RGS7: variants seen among roughly 807,000 people sequenced by gnomAD.
The protein encoded by RGS7 is regulator of G-protein signaling 7.
A neutral mutation model predicts 81.1 loss-of-function variants in RGS7; 27 were observed. That is an observed-to-expected ratio of 0.33 (90% CI 0.25 to 0.46). RGS7 has a LOEUF of 0.46. Ranked by LOEUF, RGS7 falls within the 20% of genes least tolerant of loss-of-function variation. The pLI, the probability that RGS7 is intolerant of heterozygous loss-of-function variation, is 1.00. For synonymous variants in RGS7, 208 were observed against 207.7 expected (o/e 1.00, Z -0.01); for missense variants, 396 against 607.4 (o/e 0.65, Z 3.66).
At chr1:241,029,142 C>G (rs1482757756) in intron 3 of RGS7, among the ~76,000 whole-genome samples, 1 of 149,224 alleles carries the variant, frequency 6.7e-6, no homozygotes, top group Non-Finnish European at 1.5e-5. Flanking sequence ...AAAAACAAAA[C>G]AAAAACAGAA....
At chr1:241,090,124 ATAG>A (rs1489092580) in intron 3 of RGS7, among the ~76,000 whole-genome samples, 1 of 152,110 alleles carries the variant, frequency 6.6e-6, no homozygotes, top group African/African-American at 2.4e-5. Flanking sequence ...CAATTTGAAA[ATAG>A]TAGTGTGGCT....
Position 241,271,697 on chromosome 1 carries a change from A to T in RGS7, c.78+84002T>A, listed in dbSNP as rs1202693639. Among the ~76,000 whole-genome samples the T allele has an allele frequency of 6.6e-6, 1 of 152,152 alleles. No homozygotes were observed. The highest frequency in any genetic ancestry group is 1.5e-5 in the Non-Finnish European group (1 of 68,024). On this transcript the variant is annotated intron_variant, in intron 2 of 18. Transcript: ENST00000440928. The surrounding 1 kb of genome is among the most constrained non-coding windows in gnomAD (Gnocchi z 4.6). Reference sequence around the variant, plus strand: ...GAACAGAAAGGTGGAAGAAGTAAGGATTCTCTCTCTGCTGGAGTGCTTGAG... The same window carrying T: ...GAACAGAAAGGTGGAAGAAGTAAGGTTTCTCTCTCTGCTGGAGTGCTTGAG...
chr1:241,162,504 G>A (rs2069808084), intron 2 of RGS7, among the ~76,000 whole-genome samples: 1 of 152,194 alleles, frequency 6.6e-6, no homozygotes, highest in African/African-American at 2.4e-5. Flanking sequence ...TAAAACCCCA[G>A]TCAAGGACCG....
chr1:241,201,457 G>A (rs756842508), intron 2 of RGS7, among the ~76,000 whole-genome samples: 4 of 151,938 alleles, frequency 2.6e-5, no homozygotes, highest in Non-Finnish European at 4.4e-5. Flanking sequence ...AATTACACTG[G>A]AGCCTCACCA....
chr1:241,275,858 C>T (rs2078166676), intron 2 of RGS7, among the ~76,000 whole-genome samples: 1 of 152,130 alleles, frequency 6.6e-6, no homozygotes. Context: ...GAAATCAAAC[C>T]AGTAAAAGAA....
chr1:241,097,485 T>C (rs936230534), intron 3 of RGS7, among the ~76,000 whole-genome samples: 9 of 152,126 alleles, frequency 5.9e-5, no homozygotes, highest in African/African-American at 2.2e-4. Context: ...TCCTGATCTC[T>C]ACCCTCTTCC....
intron 2 of RGS7, among the ~76,000 whole-genome samples, chr1:241,317,361 C>T (rs879357866): frequency 6.6e-6 from 1 of 152,188 alleles, no homozygotes; most frequent in Non-Finnish European, 1.5e-5. Context: ...TAGCAATTGG[C>T]TCCTGTGAAA....
At chr1:241,133,355 G>C (rs971740023) in intron 2 of RGS7, among the ~76,000 whole-genome samples, 2 of 150,706 alleles carry the variant, frequency 1.3e-5, no homozygotes, top group Non-Finnish European at 3.0e-5. Flanking sequence ...CATTTTAATG[G>C]GATGTATAAG....
At chr1:241,320,576 G>T (rs1347292079) in intron 2 of RGS7, among the ~76,000 whole-genome samples, 1 of 152,144 alleles carries the variant, frequency 6.6e-6, no homozygotes, top group Non-Finnish European at 1.5e-5. Flanking sequence ...ACCCTAAAAA[G>T]GGTGAATGTT....
At chr1:241,200,113 G>A (rs1349200836) in intron 2 of RGS7, among the ~76,000 whole-genome samples, 7 of 152,004 alleles carry the variant, frequency 4.6e-5, no homozygotes, top group African/African-American at 1.2e-4. Flanking sequence ...CAGTTAAGGC[G>A]ACCACTGAAG....
At chr1:240,945,379 T>G (rs890180493) in intron 4 of RGS7, among the ~76,000 whole-genome samples, 28 of 152,226 alleles carry the variant, frequency 1.8e-4, no homozygotes, top group African/African-American at 6.0e-4. Context: ...TAGGAACTGG[T>G]TTTATGAGTG....
chr1:241,291,442 T>A (rs2079078680), intron 2 of RGS7, among the ~76,000 whole-genome samples: 1 of 152,096 alleles, frequency 6.6e-6, no homozygotes, highest in Non-Finnish European at 1.5e-5. Flanking sequence ...ACATTGAGGA[T>A]GACAACTAGG....
intron 3 of RGS7, among the ~76,000 whole-genome samples, chr1:241,046,305 C>CT (rs2060923421): frequency 9.5e-5 from 1 of 10,484 alleles, no homozygotes; most frequent in Non-Finnish European, 5.5e-4. Flanking sequence ...AGCCCTGACC[C>CT]CCCCCCCCTT....
intron 2 of RGS7, among the ~76,000 whole-genome samples, chr1:241,145,271 C>T (rs2068231238): frequency 6.6e-6 from 1 of 152,194 alleles, no homozygotes; most frequent in Non-Finnish European, 1.5e-5. Flanking sequence ...CCGCTTCAGC[C>T]ACCCAAAGTG....
At chr1:240,884,212 A>G (rs1666957193) in intron 6 of RGS7, among the ~76,000 whole-genome samples, 1 of 151,812 alleles carries the variant, frequency 6.6e-6, no homozygotes, top group African/African-American at 2.4e-5. Flanking sequence ...TTCAGGCATG[A>G]GTTATAGTGC....
chr1:240,839,329 A>C (rs1695231328), intron 9 of RGS7, among the ~76,000 whole-genome samples: 1 of 152,206 alleles, frequency 6.6e-6, no homozygotes, highest in Non-Finnish European at 1.5e-5. Flanking sequence ...GAACCGATCA[A>C]AGCACACGGT....
intron 6 of RGS7, chr1:240,919,736 C>T: frequency 3.2e-6 from 2 of 632,684 alleles, no homozygotes; most frequent in South Asian, 1.8e-5. Flanking sequence ...AAGGTGAGAG[C>T]CTGAGGGGCC....
At chr1:241,205,998 TG>T (rs1237149821) in intron 2 of RGS7, among the ~76,000 whole-genome samples, 4 of 146,634 alleles carry the variant, frequency 2.7e-5, no homozygotes, top group Non-Finnish European at 5.9e-5. Context: ...ATTTCGTAAG[TG>T]TTTTTTTTTT....
At chr1:241,177,268 G>A (rs527623371) in intron 2 of RGS7, among the ~76,000 whole-genome samples, 194 of 152,312 alleles carry the variant, frequency 1.3e-3, no homozygotes, top group Non-Finnish European at 1.8e-3. Flanking sequence ...GCAGACACTG[G>A]AGTGACGAGA....
Sources: gnomAD v4.1 joint callset for allele counts (sites outside exome capture counted in the v4.1 genomes callset) on GRCh38, gnomAD v4.1.1 for gene constraint, Gnocchi (gnomAD v3.1) non-coding constraint, MANE v1.5 for transcripts, NCBI Gene and HGNC (gene_info 2026-07-23, HGNC 2026-07-21) for gene names.